RIMS3: variants seen among roughly 807,000 people sequenced by gnomAD.
RIMS3 encodes the protein regulating synaptic membrane exocytosis protein 3.
In RIMS3, 15 loss-of-function variants were observed where a neutral mutation model predicts 29.2. The ratio of observed to expected loss-of-function variants is 0.51; its 90% confidence interval spans 0.34 to 0.79. The LOEUF is 0.79. Ranked by LOEUF, RIMS3 falls within the 30% of genes least tolerant of loss-of-function variation. The pLI is 0.01. For synonymous variants in RIMS3, 161 were observed against 170.1 expected (o/e 0.95, Z 0.41); for missense variants, 342 against 421.4 (o/e 0.81, Z 1.65).
intron 1 of RIMS3, among the ~76,000 whole-genome samples, chr1:40,665,020 A>C (rs1642404303): frequency 6.6e-6 from 1 of 152,262 alleles, no homozygotes; most frequent in African/African-American, 2.4e-5. Context: ...GCACAGGCAG[A>C]AGGGAGAAAA....
rs1646436834 is a variant in RIMS3 at position 40,623,854 on chromosome 1, C to A, written c.*2663G>T. ...ATCACACAGACGTGTCAGCCTCACA[C>A]AACTTTACCCTCATGGGGTAAAATC... On this transcript the variant is annotated 3_prime_UTR_variant, in exon 8 of 8. Coordinates refer to ENST00000372684, the MANE Select transcript of RIMS3 (RefSeq NM_014747.3). The A allele has an allele frequency of 3.6e-6, 1 of 274,108 alleles. No individual in the cohort carries two copies. The highest frequency in any genetic ancestry group is 2.2e-5 in the African/African-American group (1 of 45,974). The allele number at this position is 274,108 out of a possible 1,614,324, so 17.0% of individuals were successfully genotyped here.
At chr1:40,653,960 TGC>T (rs1179167800) in intron 1 of RIMS3, among the ~76,000 whole-genome samples, 1 of 152,100 alleles carries the variant, frequency 6.6e-6, no homozygotes, top group Non-Finnish European at 1.5e-5. Context: ...CCTTCCTAGA[TGC>T]GGGATAGCAG....
At chr1:40,685,914 C>A in the RIMS3 span, among the ~76,000 whole-genome samples, 2 of 151,930 alleles carry the variant, frequency 1.3e-5, no homozygotes, top group East Asian at 3.9e-4. Flanking sequence ...GAGGCTGAGG[C>A]AGGGGGGCAG....
the RIMS3 span, among the ~76,000 whole-genome samples, chr1:40,671,824 G>A: frequency 2.7e-5 from 4 of 148,992 alleles, no homozygotes; most frequent in South Asian, 2.1e-4. Flanking sequence ...GTGCAGTGGC[G>A]TGATCTCAGC....
chr1:40,643,472 T>TTC (rs1187989731), intron 2 of RIMS3, among the ~76,000 whole-genome samples: 2 of 125,682 alleles, frequency 1.6e-5, no homozygotes, highest in African/African-American at 3.4e-5. Flanking sequence ...ATAAACATCT[T>TTC]TCTCTCTTTT....
In RIMS3 at chr1:40,660,188, A is replaced by G. The variant is rs546469701; in HGVS notation, c.-207+5206T>C. ...GTGGGACGGGAAGAGGGGCGTATCC[A>G]GGAGAACTTTCAGCTTTCTAGCTTG... On this transcript the variant is annotated intron_variant, in intron 1 of 7. Transcript: ENST00000372684. 3.3e-5 allele frequency among the ~76,000 whole-genome samples: 5 copies of G among 152,198 alleles called. No homozygotes were observed. The East Asian group carries it at 9.7e-4, about 29-fold the overall frequency.
In RIMS3 at chr1:40,620,931, T is replaced by A. The variant is rs1341840046; in HGVS notation, c.*5586A>T. ...TAAACAGTGTGCTTGTCAGTCCCTA[T>A]CAGCTATCTCTCTCTTTGCAGGATG... On this transcript the variant is annotated 3_prime_UTR_variant, in exon 8 of 8. Coordinates refer to ENST00000372684, the MANE Select transcript of RIMS3 (RefSeq NM_014747.3). 6.6e-6 allele frequency: 1 copy of A among 152,670 alleles called. No individual in the cohort carries two copies. Among genetic ancestry groups the A allele is most frequent in the African/African-American group, 2.4e-5 (1 of 41,464 alleles). 9.5% of individuals were successfully genotyped at this position (152,670 alleles called of 1,614,324 possible).
intron 5 of RIMS3, among the ~76,000 whole-genome samples, chr1:40,631,196 G>C (rs1646486944): frequency 1.3e-5 from 2 of 152,256 alleles, no homozygotes; most frequent in African/African-American, 4.8e-5. Context: ...CTATCCTGGG[G>C]AGGAGCTGCT....
chr1:40,651,553 A>C (rs997809903), intron 1 of RIMS3, among the ~76,000 whole-genome samples: 2 of 152,148 alleles, frequency 1.3e-5, no homozygotes, highest in Admixed American at 6.6e-5. Context: ...GGCAATGAAC[A>C]CACTGCTGTT....
chr1:40,652,550 TAAAGG>T (rs1233609399), intron 1 of RIMS3, among the ~76,000 whole-genome samples: 2 of 152,160 alleles, frequency 1.3e-5, no homozygotes, highest in Admixed American at 6.5e-5. Context: ...GAGGTGGCTC[TAAAGG>T]AAGGAGGCGG....
At chr1:40,650,639 A>G (rs1646625904) in intron 1 of RIMS3, among the ~76,000 whole-genome samples, 1 of 151,988 alleles carries the variant, frequency 6.6e-6, no homozygotes, top group Non-Finnish European at 1.5e-5. Flanking sequence ...AGGCAGGTGA[A>G]TCGCGTGAGC....
Position 40,626,530 on chromosome 1 carries a change from G to A in RIMS3, c.914C>T (p.Pro305Leu), listed in dbSNP as rs1230919963. The A allele has an allele frequency of 6.2e-7, 1 of 1,608,236 alleles. No homozygotes were observed. Among genetic ancestry groups the A allele is most frequent in the East Asian group, 2.2e-5 (1 of 44,662 alleles). Residue 305 changes from proline to leucine, a missense_variant, in exon 8 of 8, where the codon CCC (proline) becomes CTC (leucine). Physicochemically the swap from Pro to Leu is moderately conservative, Grantham distance 98. Transcript: ENST00000372684. The stretch of plus-strand genomic sequence containing the variant: ...TTCCTGACATCCTTAAGAGCATGAG[G>A]GGCTGGTGGCACTCTCCAGGGAAGA... The part of the protein sequence containing the change: ...SQSSLESATS[P>L]SCS
At chr1:40,671,193 G>C in the RIMS3 span, among the ~76,000 whole-genome samples, 4 of 152,152 alleles carry the variant, frequency 2.6e-5, no homozygotes, top group African/African-American at 9.7e-5. Flanking sequence ...CAACTGGTTG[G>C]GTGGTGATGT....
At chr1:40,638,138 C>T (rs61334388) in intron 3 of RIMS3, among the ~76,000 whole-genome samples, 1 of 152,132 alleles carries the variant, frequency 6.6e-6, no homozygotes, top group African/African-American at 2.4e-5. Context: ...ACCCCTCCCC[C>T]AAATTTCACA....
the RIMS3 span, among the ~76,000 whole-genome samples, chr1:40,688,985 G>C: frequency 6.6e-6 from 1 of 152,174 alleles, no homozygotes; most frequent in Non-Finnish European, 1.5e-5. Flanking sequence ...TGTAAAAAAG[G>C]TCTTGGCTTA....
chr1:40,671,621 G>A, the RIMS3 span, among the ~76,000 whole-genome samples: 5 of 152,198 alleles, frequency 3.3e-5, no homozygotes, highest in South Asian at 2.1e-4. Flanking sequence ...CATGTAAGAC[G>A]CGCTGGCTCC....
At position 40,628,806 on chromosome 1, in the gene RIMS3, C is replaced by G; in HGVS notation, c.714+4G>C. 6.2e-7 allele frequency: 1 copy of G among 1,614,150 alleles called. No homozygotes were observed. Among genetic ancestry groups the G allele is most frequent in the South Asian group, 1.1e-5 (1 of 91,084 alleles). ...CCCTGCCCTACTTGCCCTGTGACAC[C>G]CACCTGCAGCACCTTGCCCTGGGGT... On this transcript the variant is annotated splice_donor_region_variant and intron_variant, in intron 7 of 7. Coordinates refer to ENST00000372684, the MANE Select transcript of RIMS3 (RefSeq NM_014747.3).
chr1:40,645,075 G>A (rs111491251), intron 2 of RIMS3, among the ~76,000 whole-genome samples: 31 of 152,300 alleles, frequency 2.0e-4, no homozygotes, highest in Non-Finnish European at 3.4e-4. Context: ...TGCCTGGACC[G>A]ATCTCATTCG....
intron 1 of RIMS3, among the ~76,000 whole-genome samples, chr1:40,649,494 G>A (rs1411788014): frequency 6.6e-6 from 1 of 152,256 alleles, no homozygotes; most frequent in African/African-American, 2.4e-5. Context: ...CAGGGAAGCA[G>A]GAAGCATCTT....
Sources: gnomAD v4.1 joint callset for allele counts (sites outside exome capture counted in the v4.1 genomes callset) on GRCh38, gnomAD v4.1.1 for gene constraint, MANE v1.5 for transcripts, NCBI Gene and HGNC (gene_info 2026-07-23, HGNC 2026-07-21) for gene names.